Variants in MTF1 observed in about 807,000 individuals in gnomAD.
MTF1 encodes MRE-binding transcription factor.
MTF1 carries 22 observed loss-of-function variants against 70.4 expected under a neutral mutation model. That is an observed-to-expected ratio of 0.31 (90% confidence interval 0.22 to 0.45). The LOEUF is 0.45. MTF1 is among the 20% of genes least tolerant of loss of function. The probability of loss-of-function intolerance (pLI) is 1.00; values close to 1 mark genes in which losing one functional copy is unlikely to be tolerated. For synonymous variants in MTF1, 333 were observed against 352.8 expected, an observed-to-expected ratio of 0.94 and a Z score of 0.63; for missense variants, 649 against 922.0, an observed-to-expected ratio of 0.70 and a Z score of 3.83.
At chr1:37,816,901 G>A (rs2148398458) in intron 10 of MTF1, among the ~76,000 whole-genome samples, 1 of 152,248 alleles carries the variant, frequency 6.6e-6, no homozygotes, top group Admixed American at 6.5e-5. Flanking sequence ...GGAGAACAGG[G>A]TGGGAACGGG....
rs750817211 is a variant in MTF1, at chr1:37,839,906, G to A, written c.647+14C>T. On this transcript the variant is annotated intron_variant, in intron 3 of 10. Coordinates refer to ENST00000373036, the MANE Select transcript of MTF1 (RefSeq NM_005955.3). ...AAGGTCAGAGGCTGGCAGAGCATTG[G>A]AGACGAGACTGACCTGTACAGTGTG... The A allele has an allele frequency of 6.9e-6, 11 of 1,598,862 alleles. No individual in the cohort carries two copies. The Admixed American group carries it at 1.2e-4, about 17-fold the overall frequency.
chr1:37,832,820 C>T (rs868421183), intron 6 of MTF1, among the ~76,000 whole-genome samples: 2 of 152,004 alleles, frequency 1.3e-5, no homozygotes, highest in African/African-American at 2.4e-5. Flanking sequence ...GCCTGGCCAA[C>T]ATAGTGAAAC....
intron 6 of MTF1, 32 bp from the exon 7 acceptor site, chr1:37,832,354 C>CA (rs746595913): frequency 2.1e-6 from 3 of 1,455,476 alleles, no homozygotes; most frequent in African/African-American, 2.8e-5. Flanking sequence ...AATTGAGTAA[C>CA]AAAAATCAGG....
At chr1:37,826,725 T>A (rs1334483880) in intron 7 of MTF1, 3 of 377,798 alleles carry the variant, frequency 7.9e-6, no homozygotes, top group African/African-American at 6.4e-5. Context: ...ACACCTGTAA[T>A]CCCAGCACTG....
intron 2 of MTF1, among the ~76,000 whole-genome samples, chr1:37,852,381 T>C (rs1304322414): frequency 6.6e-6 from 1 of 152,246 alleles, no homozygotes; most frequent in Non-Finnish European, 1.5e-5. Flanking sequence ...ACTTTTTCCT[T>C]TTCCCATCTT....
Position 37,823,674 on chromosome 1 carries a change from G to A in MTF1, c.1171+36C>T, listed in dbSNP as rs770134481. ...CCTGTGACTCAGTGTGTCAGCAAGT[G>A]CTTAGATGTGAGTAGAAAGAGTCCG... On this transcript the variant is annotated intron_variant, in intron 8 of 10. Transcript: ENST00000373036. The A allele has an allele frequency of 1.3e-5, 19 of 1,469,348 alleles. No individual in the cohort carries two copies. The African/African-American group carries it at 2.4e-4, about 18-fold the overall frequency. 91.0% of individuals were successfully genotyped at this position (1,469,348 alleles called of 1,614,324 possible).
intron 7 of MTF1, among the ~76,000 whole-genome samples, chr1:37,825,221 C>T (rs1347408513): frequency 1.3e-5 from 2 of 152,068 alleles, no homozygotes; most frequent in African/African-American, 4.8e-5. Flanking sequence ...TACCAGAACT[C>T]AAGTGGCAAA....
intron 4 of MTF1, among the ~76,000 whole-genome samples, chr1:37,836,308 T>C (rs1641169531): frequency 6.6e-6 from 1 of 152,114 alleles, no homozygotes; most frequent in Admixed American, 6.5e-5. Flanking sequence ...CAAAAGTCTT[T>C]TGATGAATTA....
intron 5 of MTF1, 147 bp downstream of exon 5, chr1:37,835,524 C>CCTGAGGTTA: frequency 1.5e-6 from 1 of 669,358 alleles, no homozygotes; most frequent in African/African-American, 1.8e-5. Context: ...CTGAAAGAAA[C>CCTGAGGTTA]CCAAACATTC....
Position 37,815,488 on chromosome 1 carries a change from G to A in MTF1, c.1910C>T (p.Ala637Val), listed in dbSNP as rs752547034. The change falls in exon 11 of 11, where the codon GCA becomes GTA. Residue 637 changes from alanine (A) to valine (V), a missense_variant. By Grantham distance (64) the Ala-to-Val change is moderately conservative. Coordinates refer to ENST00000373036, the MANE Select transcript of MTF1 (RefSeq NM_005955.3). The surrounding 1 kb of genome is among the most constrained non-coding windows in gnomAD (Gnocchi z 4.5). The stretch of plus-strand genomic sequence containing the variant: ...CCGCTCCTTTGCAGAGTCCCGGCAT[G>A]CACACTGACACTGACATGCCTCTTC... ...KQEEACQCQC[A>V]CRDSAKERAS... is the part of the protein sequence containing the mutation. 6.3e-7 allele frequency: 1 copy of A among 1,579,690 alleles called. No individual in the cohort carries two copies. Among genetic ancestry groups the A allele is most frequent in the Non-Finnish European group, 8.6e-7 (1 of 1,163,672 alleles).
chr1:37,815,531 C>A lies in MTF1; in HGVS notation c.1867G>T (p.Val623Leu). The A allele has an allele frequency of 6.5e-7, 1 of 1,540,000 alleles. No individual in the cohort carries two copies. The highest frequency in any genetic ancestry group is 1.3e-5 in the South Asian group (1 of 77,636). The change falls in exon 11 of 11, where the codon GTG becomes TTG. Residue 623 changes from valine to leucine, a missense_variant. Val to Leu is a conservative substitution (Grantham distance 32). This residue lies in a region of MTF1 where 39 missense variants were observed against 97.8 expected (regional missense o/e 0.40). Coordinates refer to ENST00000373036, the MANE Select transcript of MTF1 (RefSeq NM_005955.3). The surrounding 1 kb of genome is among the most constrained non-coding windows in gnomAD (Gnocchi z 4.5). The stretch of plus-strand genomic sequence containing the variant: ...GCCTCTTCTTGTTTGATGATGATCA[C>A]AGGAACACTGAGGCCAATCTGCTGG... ...SVQQIGLSVPVIIIKQEEACQ... is the reference protein window; with the variant it reads ...SVQQIGLSVPLIIIKQEEACQ...
chr1:37,830,769 C>G (rs748040591), intron 7 of MTF1, among the ~76,000 whole-genome samples: 1 of 152,228 alleles, frequency 6.6e-6, no homozygotes, highest in Non-Finnish European at 1.5e-5. Flanking sequence ...GCAGTGGATG[C>G]AGCTATGATC....
chr1:37,825,667 CCT>C (rs1640991703), intron 7 of MTF1, among the ~76,000 whole-genome samples: 1 of 152,130 alleles, frequency 6.6e-6, no homozygotes, highest in Admixed American at 6.5e-5. Context: ...TTCTGCCACC[CCT>C]GACACAGCAA....
chr1:37,834,991 GA>G (rs758542570), intron 6 of MTF1, 87 bp downstream of exon 6: 4 of 1,422,698 alleles, frequency 2.8e-6, no homozygotes, highest in Non-Finnish European at 3.9e-6. Context: ...CAGATATACA[GA>G]GAAGACATTT....
intron 10 of MTF1, among the ~76,000 whole-genome samples, chr1:37,816,496 G>A (rs1397679273): frequency 2.0e-5 from 3 of 152,050 alleles, no homozygotes; most frequent in Non-Finnish European, 2.9e-5. Flanking sequence ...CCAACATGGT[G>A]AAACCTTGTC....
At chr1:37,857,813 G>T in intron 1 of MTF1, 104 bp from the exon 2 acceptor site, 1 of 638,910 alleles carries the variant, frequency 1.6e-6, no homozygotes, top group Non-Finnish European at 2.6e-6. Context: ...GCAAGCCAAA[G>T]CAAATGAAAA....
At chr1:37,846,916 A>C (rs1641340743) in intron 2 of MTF1, among the ~76,000 whole-genome samples, 1 of 152,204 alleles carries the variant, frequency 6.6e-6, no homozygotes, top group Admixed American at 6.5e-5. Context: ...GAACATTCTC[A>C]TAAATAAATG....
At position 37,840,197 on chromosome 1, in the gene MTF1, G is replaced by A; in HGVS notation, c.409-39C>T. ...GATACCTCATCAACAGGACAAAAATGCTGCCCAGGGCTTAACTCCCCCACC... is the reference window on the plus strand; with the variant it reads ...GATACCTCATCAACAGGACAAAAATACTGCCCAGGGCTTAACTCCCCCACC... On this transcript the variant is annotated intron_variant, in intron 2 of 10. Coordinates refer to ENST00000373036, the MANE Select transcript of MTF1 (RefSeq NM_005955.3). This position sits in a 1 kb window ranked among gnomAD's most constrained non-coding sequence, Gnocchi z 4.5. 6.3e-7 allele frequency: 1 copy of A among 1,581,148 alleles called. No individual in the cohort carries two copies. The highest frequency in any genetic ancestry group is 8.7e-7 in the Non-Finnish European group (1 of 1,151,462).
chr1:37,823,049 CA>C (rs1271231126), intron 8 of MTF1, among the ~76,000 whole-genome samples: 1 of 152,168 alleles, frequency 6.6e-6, no homozygotes, highest in Non-Finnish European at 1.5e-5. Flanking sequence ...GTTTTACAGA[CA>C]AATTTTCATG....
Sources: allele counts gnomAD v4.1 joint callset (sites outside exome capture counted in the v4.1 genomes callset), GRCh38; gene constraint gnomAD v4.1.1; regional missense constraint gnomAD v4.1.1; non-coding constraint Gnocchi (gnomAD v3.1); transcripts MANE v1.5; gene names NCBI Gene and HGNC (gene_info 2026-07-23, HGNC 2026-07-21).